Variants in TREML1 observed in about 807,000 individuals in gnomAD.
TREML1 encodes the protein triggering receptor expressed on myeloid cells like 1, also known as trem-like transcript 1 protein.
In TREML1, 27 loss-of-function variants were observed where a neutral mutation model predicts 22.8. The ratio of observed to expected loss-of-function variants is 1.19; its 90% CI spans 0.87 to 1.64. TREML1 has a LOEUF of 1.64. Among genes scored for constraint, TREML1 ranks in the 40% most tolerant of loss-of-function variants. The probability of loss-of-function intolerance (pLI) is 0.00; values close to 1 mark genes in which losing one functional copy is unlikely to be tolerated. For synonymous variants in TREML1, 153 were observed against 161.9 expected (o/e 0.94, Z 0.42); for missense variants, 356 against 382.0 (o/e 0.93, Z 0.57).
intron 2 of TREML1, 152 bp from the exon 3 acceptor site, chr6:41,151,536 G>A (rs983990289): frequency 7.2e-5 from 47 of 653,432 alleles, no homozygotes; most frequent in Non-Finnish European, 6.7e-5. Flanking sequence ...GGGGAGGCTG[G>A]GATGTTCTTT....
upstream of TREML1, among the ~76,000 whole-genome samples, chr6:41,155,191 T>C (rs1765388155): frequency 6.6e-6 from 1 of 152,242 alleles, no homozygotes; most frequent in Non-Finnish European, 1.5e-5. Context: ...ATCTTCTCTG[T>C]TGGAAGACAA....
rs377373158 is a variant in TREML1 at position 41,151,429 on chromosome 6, C to T, written c.377-45G>A. On this transcript the variant is annotated intron_variant, in intron 2 of 5. Coordinates refer to ENST00000426005, the MANE Select transcript of TREML1 (RefSeq NM_178174.4). The stretch of plus-strand genomic sequence containing the variant: ...GTCAGAAGGAAACATTTAATGAGTG[C>T]ATGCCCATATGGGCAGGCTTCAATA... The T allele has an allele frequency of 5.6e-5, 88 of 1,558,288 alleles. No individual in the cohort carries two copies. In the African/African-American group the frequency reaches 1.0e-3, roughly 18 times the overall value.
rs201711813 is a variant in TREML1, at chr6:41,150,051, A to AC, written c.622-134_622-133insG. On this transcript the variant is annotated intron_variant, in intron 5 of 5. Transcript: ENST00000426005. The stretch of plus-strand genomic sequence containing the variant: ...AGTGGGCAAGAGGGCTTCATTGTGA[A>AC]GATTTTCAAGCCCCAAGTTTCTCCC... 5.1e-4 allele frequency: 534 copies of AC among 1,055,736 alleles called. No individual in the cohort carries two copies. In the African/African-American group the frequency reaches 7.8e-3, roughly 15 times the overall value. 65.4% of individuals were successfully genotyped at this position (1,055,736 alleles called of 1,614,324 possible). A position where few individuals can be genotyped will look rare whatever the true frequency, so the allele number is the denominator to read the frequency against.
chr6:41,149,751 G>A lies in TREML1; in HGVS notation c.789C>T (p.Ser263=). ...PSGKPSLPAP[S]SLPPLPPKVL... is the part of the protein sequence containing the mutation. ...CCTTAGGAGGTAGAGGGGGCAATGAGGATGGAGCTGGGAGTGAAGGTTTTC... is the reference window on the plus strand; with the variant it reads ...CCTTAGGAGGTAGAGGGGGCAATGAAGATGGAGCTGGGAGTGAAGGTTTTC... Residue 263 remains serine, a synonymous_variant, in exon 6 of 6, where the codon TCC becomes TCT. Transcript: ENST00000426005. 1 of 1,614,226 alleles carries A rather than the reference G, an allele frequency of 6.2e-7. No individual in the cohort carries two copies. Among genetic ancestry groups the A allele is most frequent in the Non-Finnish European group, 8.5e-7 (1 of 1,180,038 alleles).
intron 4 of TREML1, among the ~76,000 whole-genome samples, 192 bp downstream of exon 4, chr6:41,150,627 C>T (rs1175968283): frequency 6.6e-6 from 1 of 152,138 alleles, no homozygotes; most frequent in Non-Finnish European, 1.5e-5. Context: ...TTTCTGCAGA[C>T]TGCTCCCATT....
intron 2 of TREML1, among the ~76,000 whole-genome samples, chr6:41,152,042 T>C (rs1765265982): frequency 6.6e-6 from 1 of 152,198 alleles, no homozygotes; most frequent in South Asian, 2.1e-4. Context: ...GACTTGGGGT[T>C]GGTTTCTCTG....
In TREML1 at chr6:41,151,350, C is replaced by G; in HGVS notation, c.411G>C (p.Leu137=). 1 of 1,614,194 alleles carries G rather than the reference C, an allele frequency of 6.2e-7. No homozygotes were observed. Among genetic ancestry groups the G allele is most frequent in the Non-Finnish European group, 8.5e-7 (1 of 1,180,046 alleles). ...CAGGGTCTGAGAATGCGTTCTCAGCCAGACTGCCAATCTTATGGGTCTCTT... is the reference window on the plus strand; with the variant it reads ...CAGGGTCTGAGAATGCGTTCTCAGCGAGACTGCCAATCTTATGGGTCTCTT... ...EEEETHKIGS[L]AENAFSDPAG... The change falls in exon 3 of 6, where the codon CTG becomes CTC. Residue 137 remains leucine (L), a synonymous_variant. Transcript: ENST00000426005.
upstream of TREML1, chr6:41,154,441 GC>G: frequency 4.6e-6 from 3 of 657,672 alleles, no homozygotes; most frequent in Non-Finnish European, 8.0e-6. Flanking sequence ...GTTCTTCCAA[GC>G]CCTGGTTGGC....
upstream of TREML1, among the ~76,000 whole-genome samples, chr6:41,155,232 G>A (rs1372156522): frequency 2.6e-5 from 4 of 152,184 alleles, no homozygotes; most frequent in African/African-American, 7.2e-5. Flanking sequence ...ATTGCTGCAT[G>A]TTCTAGTCCT....
At chr6:41,151,488 GCC>G in intron 2 of TREML1, 104 bp from the exon 3 acceptor site, 2 of 1,024,708 alleles carry the variant, frequency 2.0e-6, no homozygotes, top group Non-Finnish European at 3.0e-6. Flanking sequence ...GAGGAGTGGA[GCC>G]AAGGAAGGAG....
chr6:41,153,989 T>C lies in TREML1; in HGVS notation c.145A>G (p.Lys49Glu), dbSNP rs1174385207. ...HYRLQDVKAQ[K>E]VWCRFLPEGC... ...TCCGGCAAGAACCGGCACCACACCT[T>C]CTGAGCTTTGACATCCTGGAGCCTG... The change falls in exon 2 of 6, where the codon AAG becomes GAG. Residue 49 changes from lysine (K) to glutamate (E), a missense_variant. Transcript: ENST00000426005. 1.2e-6 allele frequency: 2 copies of C among 1,614,128 alleles called. No individual in the cohort carries two copies. The highest frequency in any genetic ancestry group is 1.7e-6 in the Non-Finnish European group (2 of 1,180,010).
At chr6:41,150,733 T>C in intron 4 of TREML1, 86 bp downstream of exon 4, 1 of 1,223,748 alleles carries the variant, frequency 8.2e-7, no homozygotes, top group African/African-American at 1.5e-5. Context: ...TGTAGGGGGA[T>C]TGGACCTAGA....
intron 5 of TREML1, 124 bp downstream of exon 5, chr6:41,150,137 A>C: frequency 8.8e-7 from 1 of 1,139,176 alleles, no homozygotes; most frequent in Non-Finnish European, 1.3e-6. Flanking sequence ...AGCATTTAGG[A>C]AGAGGGTTTG....
intron 2 of TREML1, 62 bp from the exon 3 acceptor site, chr6:41,151,446 G>A (rs1273520950): frequency 1.4e-6 from 2 of 1,472,734 alleles, no homozygotes; most frequent in East Asian, 2.3e-5. Flanking sequence ...ATATGGGCAG[G>A]CTTCAATATC....
intron 2 of TREML1, 84 bp from the exon 3 acceptor site, chr6:41,151,468 T>C: frequency 7.8e-7 from 1 of 1,281,492 alleles, no homozygotes; most frequent in Non-Finnish European, 1.1e-6. Flanking sequence ...TGTTGAGGTC[T>C]GAGGGACTGG....
At chr6:41,153,098 C>G (rs889068680) in intron 2 of TREML1, among the ~76,000 whole-genome samples, 3 of 149,986 alleles carry the variant, frequency 2.0e-5, no homozygotes, top group African/African-American at 7.4e-5. Context: ...TTAAAATTTT[C>G]TTTTAACAAA....
At position 41,149,498 on chromosome 6, in the gene TREML1, T is replaced by G; in HGVS notation, c.*106A>C. 1 of 1,229,856 alleles carries G rather than the reference T, an allele frequency of 8.1e-7. No individual in the cohort carries two copies. The highest frequency in any genetic ancestry group is 1.1e-6 in the Non-Finnish European group (1 of 873,210). The allele number at this position is 1,229,856 out of a possible 1,614,324, so 76.2% of individuals were successfully genotyped here. On this transcript the variant is annotated 3_prime_UTR_variant, in exon 6 of 6. Coordinates refer to ENST00000426005, the MANE Select transcript of TREML1 (RefSeq NM_178174.4). ...TAGGACATTGGATTAGATCTTAAAGTCCCTGGTTGCTCAGATATCCTAAGG... is the reference window on the plus strand; with the variant it reads ...TAGGACATTGGATTAGATCTTAAAGGCCCTGGTTGCTCAGATATCCTAAGG...
chr6:41,152,589 G>A (rs1396616184), intron 2 of TREML1, among the ~76,000 whole-genome samples: 1 of 152,114 alleles, frequency 6.6e-6, no homozygotes, highest in Non-Finnish European at 1.5e-5. Flanking sequence ...AACAAGGGAA[G>A]GGGCCAGGGG....
At chr6:41,150,645 C>T (rs945798662) in intron 4 of TREML1, among the ~76,000 whole-genome samples, 174 bp downstream of exon 4, 1 of 152,110 alleles carries the variant, frequency 6.6e-6, no homozygotes, top group Non-Finnish European at 1.5e-5. Flanking sequence ...ATTGAATCTC[C>T]TTCCCTCCCC....
Sources: gnomAD v4.1 joint callset for allele counts (sites outside exome capture counted in the v4.1 genomes callset) on GRCh38, gnomAD v4.1.1 for gene constraint, MANE v1.5 for transcripts, NCBI Gene and HGNC (gene_info 2026-07-23, HGNC 2026-07-21) for gene names.